The following ADRA1B variants were observed in gnomAD, a reference collection of about 807,000 sequenced individuals.
ADRA1B encodes the protein adrenoceptor alpha 1B, also known as alpha-1B adrenergic receptor.
ADRA1B carries 17 observed loss-of-function variants against 17.9 expected under a neutral mutation model. The ratio of observed to expected loss-of-function variants is 0.95; its 90% CI spans 0.65 to 1.42. The LOEUF (loss-of-function observed/expected upper bound fraction) is 1.42. Ranked by LOEUF, ADRA1B falls within the 40% of genes most tolerant of loss-of-function variation. ADRA1B has a pLI of 0.00. For missense variants in ADRA1B, 681 were observed against 722.1 expected (o/e 0.94, Z 0.65); for synonymous variants, 366 against 327.6 (o/e 1.12, Z -1.27).
At chr5:159,943,238 A>C (rs1316906697) in intron 1 of ADRA1B, among the ~76,000 whole-genome samples, 3 of 152,150 alleles carry the variant, frequency 2.0e-5, no homozygotes, top group Non-Finnish European at 4.4e-5. Flanking sequence ...TGAAAAATGA[A>C]AAATAAAAAT....
chr5:159,947,408 G>C (rs1176554484), intron 1 of ADRA1B, among the ~76,000 whole-genome samples: 1 of 151,940 alleles, frequency 6.6e-6, no homozygotes, highest in Non-Finnish European at 1.5e-5. Flanking sequence ...AAGTTCTCAG[G>C]GCTCATAAGT....
intron 1 of ADRA1B, among the ~76,000 whole-genome samples, chr5:159,908,395 C>T (rs1754189280): frequency 6.6e-6 from 1 of 152,168 alleles, no homozygotes; most frequent in African/African-American, 2.4e-5. Flanking sequence ...GAAAGTGGGG[C>T]CTGGTGGGAG....
rs543158597 is a variant in ADRA1B, at chr5:159,875,301, TCTCTTTTCTCCCCTCCTCTATTCCCCA to T, written c.-256+10099_-256+10125del. Among the ~76,000 whole-genome samples, 955 of 152,122 alleles carry T rather than the reference TCTCTTTTCTCCCCTCCTCTATTCCCCA, an allele frequency of 6.3e-3. 13 individuals are homozygous for T. The highest frequency in any genetic ancestry group is 0.022 in the African/African-American group (917 of 41,472). On this transcript the variant is annotated intron_variant, in intron 1 of 2. Coordinates refer to the ADRA1B transcript ENST00000641205. The stretch of plus-strand genomic sequence containing the variant: ...TCAGGACACAGTTATATCCTTTTAT[TCTCTTTTCTCCCCTCCTCTATTCCCCA>T]CTCCCACAAAACTCAAGCCCACAAC...
chr5:159,897,137 C>T (rs1294091445), intron 1 of ADRA1B, among the ~76,000 whole-genome samples: 4 of 152,186 alleles, frequency 2.6e-5, no homozygotes, highest in Admixed American at 2.6e-4. Context: ...TTTTAAACCC[C>T]AGCAACTATT....
At chr5:159,957,948 A>AAAAAG (rs1561608201) in intron 1 of ADRA1B, among the ~76,000 whole-genome samples, 122 of 128,370 alleles carry the variant, frequency 9.5e-4, no homozygotes, top group South Asian at 2.9e-3. Context: ...AAAAAAAAAA[A>AAAAAG]AAAAGAAAAG....
chr5:159,942,586 G>A (rs1755164514), intron 1 of ADRA1B, among the ~76,000 whole-genome samples: 1 of 152,160 alleles, frequency 6.6e-6, no homozygotes. Flanking sequence ...TAAGGCGGGA[G>A]GAACACTTGA....
At chr5:159,883,681 T>C (rs1753891241) in intron 1 of ADRA1B, among the ~76,000 whole-genome samples, 1 of 152,194 alleles carries the variant, frequency 6.6e-6, no homozygotes, top group Non-Finnish European at 1.5e-5. Context: ...ATGTCCAAAG[T>C]TACTTCAAGC....
intron 1 of ADRA1B, among the ~76,000 whole-genome samples, chr5:159,881,092 T>A (rs1434620804): frequency 1.4e-5 from 2 of 145,660 alleles, no homozygotes. Context: ...GAGAATGGCG[T>A]GAACCCAGGA....
intron 1 of ADRA1B, among the ~76,000 whole-genome samples, chr5:159,919,769 G>A (rs1194689441): frequency 6.6e-6 from 1 of 152,242 alleles, no homozygotes; most frequent in East Asian, 1.9e-4. Flanking sequence ...GAAGGCCTCA[G>A]CAGGATGCAG....
chr5:159,899,247 GA>G (rs1191863344), intron 1 of ADRA1B, among the ~76,000 whole-genome samples: 1 of 143,156 alleles, frequency 7.0e-6, no homozygotes, highest in Non-Finnish European at 1.5e-5. Context: ...AGGGAGGAAG[GA>G]AGGAAGGAAG....
chr5:159,899,856 T>G (rs1279637096), intron 1 of ADRA1B, among the ~76,000 whole-genome samples: 1 of 152,236 alleles, frequency 6.6e-6, no homozygotes, highest in East Asian at 1.9e-4. Context: ...ATCTGTTTTA[T>G]AGCCTGTGAA....
At chr5:159,884,107 A>G (rs1014231415) in intron 1 of ADRA1B, among the ~76,000 whole-genome samples, 2 of 152,238 alleles carry the variant, frequency 1.3e-5, no homozygotes, top group South Asian at 2.1e-4. Flanking sequence ...AAAATAAATT[A>G]AAAAGAAAAA....
At chr5:159,919,127 CA>C (rs1348189472) in intron 1 of ADRA1B, among the ~76,000 whole-genome samples, 7 of 152,202 alleles carry the variant, frequency 4.6e-5, no homozygotes, top group African/African-American at 1.7e-4. Context: ...AAAAGATTTT[CA>C]AAAGCCGTCT....
At chr5:159,896,955 A>C (rs1484774893) in intron 1 of ADRA1B, among the ~76,000 whole-genome samples, 1 of 152,224 alleles carries the variant, frequency 6.6e-6, no homozygotes, top group African/African-American at 2.4e-5. Context: ...TCAAATAATT[A>C]TTCATATAAT....
intron 1 of ADRA1B, among the ~76,000 whole-genome samples, chr5:159,962,934 T>C (rs1410830933): frequency 1.0e-5 from 1 of 99,666 alleles, no homozygotes; most frequent in Non-Finnish European, 1.9e-5. Flanking sequence ...TCTTTTCTTT[T>C]CTTTTTTTTT....
intron 1 of ADRA1B, among the ~76,000 whole-genome samples, chr5:159,926,090 C>T (rs1253017094): frequency 1.3e-5 from 2 of 152,214 alleles, no homozygotes; most frequent in Non-Finnish European, 2.9e-5. Context: ...ATGAGTAGTA[C>T]AGAGCCTAGC....
chr5:159,938,546 C>T (rs1205728707), intron 1 of ADRA1B, among the ~76,000 whole-genome samples: 1 of 152,174 alleles, frequency 6.6e-6, no homozygotes. Context: ...TTCAAGGCTG[C>T]ACCTGGCTTC....
rs577016385 is a variant in ADRA1B, at chr5:159,949,856, C to T, written c.950-22023C>T. ...CTCTTGCCAAATGCACTTCTTCACACGCTGGCGTTTTTCATTATGTCCTCT... is the reference window on the plus strand; with the variant it reads ...CTCTTGCCAAATGCACTTCTTCACATGCTGGCGTTTTTCATTATGTCCTCT... On this transcript the variant is annotated intron_variant, in intron 1 of 1. Coordinates refer to ENST00000306675, the MANE Select transcript of ADRA1B (RefSeq NM_000679.4). Among the ~76,000 whole-genome samples the T allele has an allele frequency of 7.2e-5, 11 of 152,336 alleles. No homozygotes were observed. The South Asian group carries it at 1.5e-3, about 20-fold the overall frequency.
intron 1 of ADRA1B, among the ~76,000 whole-genome samples, chr5:159,895,719 C>G (rs1313774885): frequency 2.0e-5 from 3 of 152,238 alleles, no homozygotes; most frequent in Non-Finnish European, 4.4e-5. Context: ...CCAAAGCTCT[C>G]TGCAGTCCAA....
Sources: allele counts gnomAD v4.1 joint callset (sites outside exome capture counted in the v4.1 genomes callset), GRCh38; gene constraint gnomAD v4.1.1; transcripts MANE v1.5; gene names NCBI Gene and HGNC (gene_info 2026-07-23, HGNC 2026-07-21).